Variants in ADCY7 observed in about 807,000 individuals in gnomAD.
The protein encoded by ADCY7 is adenylate cyclase type 7.
A neutral mutation model predicts 120.6 loss-of-function variants in ADCY7; 72 were observed. The observed-to-expected ratio is 0.60, with a 90% CI of 0.49 to 0.73. ADCY7 has a LOEUF of 0.73. ADCY7 is among the 30% of genes least tolerant of loss of function. The pLI is 0.00. For synonymous variants in ADCY7, 661 were observed against 628.0 expected, an observed-to-expected ratio of 1.05 and a Z score of -0.78; for missense variants, 1,227 against 1,486.0, an observed-to-expected ratio of 0.83 and a Z score of 2.87.
At chr16:50,291,106 C>G (rs1390141954) in intron 3 of ADCY7, among the ~76,000 whole-genome samples, 2 of 151,982 alleles carry the variant, frequency 1.3e-5, no homozygotes, top group Non-Finnish European at 1.5e-5. Context: ...TCTCAACCAG[C>G]TCGACCTGCA....
At chr16:50,276,561 C>G (rs1481075164) in intron 1 of ADCY7, among the ~76,000 whole-genome samples, 1 of 152,192 alleles carries the variant, frequency 6.6e-6, no homozygotes, top group Non-Finnish European at 1.5e-5. Context: ...CACAGAGAGT[C>G]TGTTGGGTCA....
At position 50,313,136 on chromosome 16, in the gene ADCY7, C is replaced by CA; in HGVS notation, c.2751+101dup. 9 of 1,504,284 alleles carry CA rather than the reference C, an allele frequency of 6.0e-6. No homozygotes were observed. In the South Asian group the frequency reaches 1.1e-4, roughly 19 times the overall value. The allele number at this position is 1,504,284 out of a possible 1,614,324, so 93.2% of individuals were successfully genotyped here. Reference sequence around the variant, plus strand: ...CCTAAAACCCAATTTAAAAATGTGACACAGAGCTGGGCAAGGTGGTCTATA... The same window carrying CA: ...CCTAAAACCCAATTTAAAAATGTGACAACAGAGCTGGGCAAGGTGGTCTATA... On this transcript the variant is annotated intron_variant, in intron 22 of 25. Transcript: ENST00000673801.
At chr16:50,300,999 C>A (rs947094732) in intron 9 of ADCY7, 83 bp from the exon 10 acceptor site, 4 of 1,558,946 alleles carry the variant, frequency 2.6e-6, no homozygotes, top group Non-Finnish European at 8.7e-7. Context: ...GGCCTGGGGC[C>A]CAGGCCTGCC....
At chr16:50,311,046 C>A (rs1323025983) in intron 19 of ADCY7, among the ~76,000 whole-genome samples, 166 bp downstream of exon 19, 1 of 152,170 alleles carries the variant, frequency 6.6e-6, no homozygotes, top group Non-Finnish European at 1.5e-5. Context: ...CTGGCAGGTT[C>A]TTTAGGAAGT....
intron 21 of ADCY7, 107 bp from the exon 22 acceptor site, chr16:50,312,783 A>C: frequency 3.6e-6 from 3 of 842,788 alleles, no homozygotes; most frequent in Non-Finnish European, 5.1e-6. Flanking sequence ...CACTCCCCGA[A>C]AGCTGGGCTG....
Position 50,290,571 on chromosome 16 carries a change from T to TTGGCGCTGCTCACCTGGGCCTGCTTGG in ADCY7, c.295_321dup (p.Leu99_Leu107dup). On this transcript the variant is annotated inframe_insertion, in exon 3 of 26. Coordinates refer to ENST00000673801, the MANE Select transcript of ADCY7 (RefSeq NM_001114.5). ...TCTCCTGCGGCGCTGGCTCAGGGCCTTGGCGCTGCTCACCTGGGCCTGCTT... is the reference window on the plus strand; with the variant it reads ...TCTCCTGCGGCGCTGGCTCAGGGCCTTGGCGCTGCTCACCTGGGCCTGCTTGGTGGCGCTGCTCACCTGGGCCTGCTT... 6.2e-7 allele frequency: 1 copy of TTGGCGCTGCTCACCTGGGCCTGCTTGG among 1,614,178 alleles called. No homozygotes were observed. Among genetic ancestry groups the TTGGCGCTGCTCACCTGGGCCTGCTTGG allele is most frequent in the Non-Finnish European group, 8.5e-7 (1 of 1,180,040 alleles).
intron 3 of ADCY7, 45 bp from the exon 4 acceptor site, chr16:50,291,691 G>T: frequency 6.2e-7 from 1 of 1,611,870 alleles, no homozygotes; most frequent in East Asian, 2.2e-5. Context: ...TGTACGGCCT[G>T]GGGCAGCATC....
At chr16:50,260,870 A>C (rs894248706) in intron 1 of ADCY7, among the ~76,000 whole-genome samples, 1 of 152,130 alleles carries the variant, frequency 6.6e-6, no homozygotes, top group African/African-American at 2.4e-5. Context: ...GAAGCTTCTG[A>C]GATCTTTCAT....
intron 1 of ADCY7, among the ~76,000 whole-genome samples, chr16:50,269,143 C>T (rs980608934): frequency 6.6e-6 from 1 of 152,242 alleles, no homozygotes; most frequent in African/African-American, 2.4e-5. Context: ...TGACCCATTC[C>T]CCACCTCCTC....
chr16:50,304,229 T>G, intron 10 of ADCY7, 131 bp from the exon 11 acceptor site: 1 of 958,928 alleles, frequency 1.0e-6, no homozygotes, highest in Non-Finnish European at 1.4e-6. Context: ...TTGAGCAACT[T>G]CTTTGCTGTT....
intron 20 of ADCY7, 31 bp downstream of exon 20, chr16:50,311,817 A>G (rs746351727): frequency 1.4e-5 from 16 of 1,172,264 alleles, no homozygotes; most frequent in South Asian, 8.8e-5. Flanking sequence ...CCCCCCCCCA[A>G]GCTCTGCCCA....
chr16:50,315,109 GA>G lies in ADCY7; in HGVS notation c.3070del (p.Ser1024AlafsTer30). The G allele has an allele frequency of 6.2e-7, 1 of 1,614,236 alleles. No individual in the cohort carries two copies. Among genetic ancestry groups the G allele is most frequent in the Non-Finnish European group, 8.5e-7 (1 of 1,180,038 alleles). Reference protein sequence around the residue: ...GNTVNVASRMESTGELGKIQV... With the variant: ...GNTVNVASRMXSTGELGKIQV... ...CACTGTCAATGTGGCCAGCCGAATG[GA>G]AAGCACTGGAGAACTTGGGAAAATC... On this transcript the variant is annotated frameshift_variant, in exon 25 of 26. Coordinates refer to ENST00000673801, the MANE Select transcript of ADCY7 (RefSeq NM_001114.5). LOFTEE classifies it high-confidence loss of function.
intron 21 of ADCY7, among the ~76,000 whole-genome samples, chr16:50,312,564 T>C (rs746674119): frequency 2.0e-5 from 3 of 152,126 alleles, no homozygotes; most frequent in Non-Finnish European, 2.9e-5. Flanking sequence ...TGTAGCAAGT[T>C]TTCTAGATAG....
chr16:50,246,455 C>T (rs915440936), intron 1 of ADCY7, among the ~76,000 whole-genome samples: 1 of 152,088 alleles, frequency 6.6e-6, no homozygotes. Flanking sequence ...AGACGCTTCC[C>T]AGACGCTGCC....
intron 1 of ADCY7, among the ~76,000 whole-genome samples, chr16:50,269,157 C>T (rs975810535): frequency 3.9e-5 from 6 of 152,248 alleles, no homozygotes; most frequent in East Asian, 1.9e-4. Context: ...CCTCCTCCAC[C>T]GCTCCATATG....
chr16:50,315,485 C>T lies in ADCY7; in HGVS notation c.3223C>T (p.Gln1075Ter). 1.9e-6 allele frequency: 3 copies of T among 1,613,320 alleles called. No homozygotes were observed. Among genetic ancestry groups the T allele is most frequent in the South Asian group, 1.1e-5 (1 of 91,074 alleles). ...TGTCTGTACGGACACTGCCAAGTTT[C>T]AGGGGCTGGGGCTGAACTGAGGGCT... ...YFVCTDTAKF[Q>*]GLGLN The change falls in exon 26 of 26, where the codon CAG (glutamine) becomes TAG (stop). Residue 1075 changes from glutamine to a stop codon, truncating the protein, a stop_gained. Coordinates refer to ENST00000673801, the MANE Select transcript of ADCY7 (RefSeq NM_001114.5). LOFTEE classifies it high-confidence loss of function.
At chr16:50,305,253 G>C (rs998796409) in intron 12 of ADCY7, among the ~76,000 whole-genome samples, 23 of 152,232 alleles carry the variant, frequency 1.5e-4, no homozygotes, top group African/African-American at 5.5e-4. Flanking sequence ...AATCCCGGGG[G>C]TGTAGCCGAA....
At chr16:50,271,506 G>A (rs907236451) in intron 1 of ADCY7, among the ~76,000 whole-genome samples, 1 of 152,162 alleles carries the variant, frequency 6.6e-6, no homozygotes, top group Non-Finnish European at 1.5e-5. Context: ...AGGATGGGGT[G>A]GGGACGGCTG....
chr16:50,306,842 T>C (rs1377327636), intron 14 of ADCY7, among the ~76,000 whole-genome samples: 1 of 152,196 alleles, frequency 6.6e-6, no homozygotes, highest in Non-Finnish European at 1.5e-5. Context: ...ATTTTAAAAA[T>C]AGAGATGGGG....
Sources: gnomAD v4.1 joint callset for allele counts (sites outside exome capture counted in the v4.1 genomes callset) on GRCh38, gnomAD v4.1.1 for gene constraint, MANE v1.5 for transcripts, NCBI Gene and HGNC (gene_info 2026-07-23, HGNC 2026-07-21) for gene names.